KCNN2: variants seen among roughly 807,000 people sequenced by gnomAD.
KCNN2 encodes small conductance calcium-activated potassium channel protein 2.
In KCNN2, 24 loss-of-function variants were observed where a neutral mutation model predicts 55.5. The observed-to-expected ratio is 0.43, with a 90% confidence interval of 0.31 to 0.61. KCNN2 has a LOEUF of 0.61. Ranked by LOEUF, KCNN2 falls within the 20% of genes least tolerant of loss-of-function variation. KCNN2 has a pLI of 0.08. For synonymous variants in KCNN2, 431 were observed against 336.1 expected (o/e 1.28, Z -3.09); for missense variants, 754 against 853.6 (o/e 0.88, Z 1.45).
At chr5:114,249,725 T>C (rs921853675) in intron 2 of KCNN2, among the ~76,000 whole-genome samples, 1 of 128,756 alleles carries the variant, frequency 7.8e-6, no homozygotes, top group Non-Finnish European at 1.6e-5. Context: ...AGTTCGGAAT[T>C]AAAAAAAAAC....
intron 2 of KCNN2, among the ~76,000 whole-genome samples, chr5:114,274,210 G>C (rs1023677166): frequency 6.8e-6 from 1 of 148,064 alleles, no homozygotes; most frequent in Non-Finnish European, 1.5e-5. Context: ...TATCTGTTTT[G>C]GTACCAGTAC....
chr5:114,198,195 A>G (rs1171895413), intron 1 of KCNN2, among the ~76,000 whole-genome samples: 1 of 151,724 alleles, frequency 6.6e-6, no homozygotes, highest in Non-Finnish European at 1.5e-5. Context: ...GTTGAGTCTG[A>G]TAAATATCTT....
At chr5:114,081,498 T>C (rs1750819366) in intron 1 of KCNN2, among the ~76,000 whole-genome samples, 1 of 152,230 alleles carries the variant, frequency 6.6e-6, no homozygotes, top group African/African-American at 2.4e-5. Context: ...GTTCAAATGA[T>C]TTTTGACAAG....
At chr5:114,220,865 CTCAGA>C (rs894964833) in intron 1 of KCNN2, among the ~76,000 whole-genome samples, 4 of 149,634 alleles carry the variant, frequency 2.7e-5, no homozygotes, top group African/African-American at 9.8e-5. Flanking sequence ...AAGTTAAAGA[CTCAGA>C]TCAGAAGATA....
rs1033940528 is a variant in KCNN2 at position 114,416,604 on chromosome 5, G to A, written c.1637+11748G>A. The stretch of plus-strand genomic sequence containing the variant: ...ACATACGATATTCTCAGTGCCACAG[G>A]AGCAAAAGATGTTTGAGTGACTACT... On this transcript the variant is annotated intron_variant, in intron 3 of 7. Transcript: ENST00000673685. 2.0e-5 allele frequency among the ~76,000 whole-genome samples: 3 copies of A among 152,280 alleles called. No homozygotes were observed. In the East Asian group the frequency reaches 5.8e-4, roughly 29 times the overall value.
At position 114,176,656 on chromosome 5, in the gene KCNN2, CAT is replaced by C. The variant is rs377547865; in HGVS notation, c.-270-44823_-270-44822del. 5.3e-3 allele frequency among the ~76,000 whole-genome samples: 805 copies of C among 152,152 alleles called. 8 individuals are homozygous for C. Among genetic ancestry groups the C allele is most frequent in the Admixed American group, 0.015 (229 of 15,294 alleles). On this transcript the variant is annotated intron_variant, in intron 1 of 10. Coordinates refer to the KCNN2 transcript ENST00000512097. Reference sequence around the variant, plus strand: ...CTTTCATGCAGATATAAAATAAACACATGTCAAAGGTGTTCTTCTACACATTT... The same window carrying C: ...CTTTCATGCAGATATAAAATAAACACGTCAAAGGTGTTCTTCTACACATTT...
upstream of KCNN2, among the ~76,000 whole-genome samples, chr5:114,359,617 AT>A (rs1561584416): frequency 6.6e-6 from 1 of 152,224 alleles, no homozygotes; most frequent in Non-Finnish European, 1.5e-5. Flanking sequence ...GGCAACAACT[AT>A]TATGATATTT....
At chr5:114,317,191 C>G (rs1357901178) in intron 2 of KCNN2, among the ~76,000 whole-genome samples, 1 of 151,992 alleles carries the variant, frequency 6.6e-6, no homozygotes, top group African/African-American at 2.4e-5. Flanking sequence ...GAAAATAGAG[C>G]CTTGTCTGGA....
chr5:114,080,420 C>T (rs1750787260), intron 1 of KCNN2, among the ~76,000 whole-genome samples: 1 of 152,086 alleles, frequency 6.6e-6, no homozygotes, highest in African/African-American at 2.4e-5. Flanking sequence ...GCCTTCCGGG[C>T]CTGGAGATGT....
chr5:114,226,900 C>CAA (rs34719469), intron 2 of KCNN2, among the ~76,000 whole-genome samples: 30 of 86,668 alleles, frequency 3.5e-4, no homozygotes, highest in African/African-American at 4.6e-4. Context: ...GACTCCGTCT[C>CAA]AAAAAAAAAA....
chr5:114,492,898 G>C (rs1361329900), intron 6 of KCNN2, among the ~76,000 whole-genome samples: 2 of 143,304 alleles, frequency 1.4e-5, no homozygotes, highest in Admixed American at 1.4e-4. Flanking sequence ...TTTTTTTTTT[G>C]TTAATAAGAA....
At chr5:114,119,596 C>T (rs1751785915) in intron 1 of KCNN2, among the ~76,000 whole-genome samples, 1 of 152,146 alleles carries the variant, frequency 6.6e-6, no homozygotes, top group African/African-American at 2.4e-5. Context: ...ATACCCTGAA[C>T]ATTCTAATTC....
chr5:114,212,647 G>A (rs556880418), intron 1 of KCNN2, among the ~76,000 whole-genome samples: 11 of 151,946 alleles, frequency 7.2e-5, no homozygotes, highest in East Asian at 5.8e-4. Flanking sequence ...TAAGCTCTTC[G>A]TGCAAAATCT....
At chr5:114,451,820 C>A (rs575251232) in intron 3 of KCNN2, among the ~76,000 whole-genome samples, 1 of 151,838 alleles carries the variant, frequency 6.6e-6, no homozygotes, top group Admixed American at 6.6e-5. Context: ...TGGCGTGAAC[C>A]CGGGTGGCGG....
intron 1 of KCNN2, among the ~76,000 whole-genome samples, chr5:114,140,620 A>G (rs1752256825): frequency 6.6e-6 from 1 of 151,962 alleles, no homozygotes; most frequent in South Asian, 2.1e-4. Context: ...AAATTCTGTA[A>G]ATTGATATTG....
At chr5:114,139,778 A>T (rs957054649) in intron 1 of KCNN2, among the ~76,000 whole-genome samples, 1 of 151,874 alleles carries the variant, frequency 6.6e-6, no homozygotes, top group Non-Finnish European at 1.5e-5. Flanking sequence ...TTTAGTTAAA[A>T]ATATATCATA....
At chr5:114,254,266 A>G (rs1332728183) in intron 2 of KCNN2, among the ~76,000 whole-genome samples, 1 of 152,200 alleles carries the variant, frequency 6.6e-6, no homozygotes, top group South Asian at 2.1e-4. Flanking sequence ...TTTTAAAAAA[A>G]TAAGCAAATG....
chr5:114,200,840 G>A (rs1367485459), intron 1 of KCNN2, among the ~76,000 whole-genome samples: 1 of 152,054 alleles, frequency 6.6e-6, no homozygotes, highest in Non-Finnish European at 1.5e-5. Flanking sequence ...ATTAGTTCAG[G>A]TTGTGGTGAA....
intron 1 of KCNN2, among the ~76,000 whole-genome samples, chr5:114,101,138 A>G (rs1751365712): frequency 6.6e-6 from 1 of 151,938 alleles, no homozygotes; most frequent in South Asian, 2.1e-4. Flanking sequence ...ACATGTTTAC[A>G]TTTTTTGGAT....
Sources: gnomAD v4.1 joint callset for allele counts (sites outside exome capture counted in the v4.1 genomes callset) on GRCh38, gnomAD v4.1.1 for gene constraint, MANE v1.5 for transcripts, NCBI Gene and HGNC (gene_info 2026-07-23, HGNC 2026-07-21) for gene names.